The following RBM6 variants were observed in gnomAD, a reference collection of about 807,000 sequenced individuals.
The protein encoded by RBM6 is RNA-binding protein 6.
In RBM6, 23 loss-of-function variants were observed where a neutral mutation model predicts 140.4. The ratio of observed to expected loss-of-function variants is 0.16; its 90% confidence interval spans 0.12 to 0.23. The LOEUF is 0.23. RBM6 is among the 10% of genes least tolerant of loss of function. The pLI, the probability that RBM6 is intolerant of heterozygous loss-of-function variation, is 1.00. For missense variants in RBM6, 1,139 were observed against 1,386.7 expected, an observed-to-expected ratio of 0.82 and a Z score of 2.84; for synonymous variants, 439 against 475.6, an observed-to-expected ratio of 0.92 and a Z score of 1.00.
chr3:50,057,605 A>T, intron 8 of RBM6, 123 bp from the exon 9 acceptor site: 1 of 541,764 alleles, frequency 1.8e-6, no homozygotes, highest in Non-Finnish European at 2.8e-6. Flanking sequence ...AAAAAAAAAA[A>T]AAAAGGCATT....
At chr3:50,045,000 A>G (rs758468108) in intron 6 of RBM6, among the ~76,000 whole-genome samples, 10 of 152,198 alleles carry the variant, frequency 6.6e-5, no homozygotes, top group Non-Finnish European at 1.3e-4. Context: ...TCCTATGTCT[A>G]ACTATGTGCA....
At chr3:50,061,728 CA>C in intron 14 of RBM6, 181 bp downstream of exon 14, 1 of 1,401,954 alleles carries the variant, frequency 7.1e-7, no homozygotes. Context: ...TATGGAAAAT[CA>C]GTGCCTTGTG....
At chr3:50,008,743 G>A (rs2086702041) in intron 6 of RBM6, among the ~76,000 whole-genome samples, 1 of 151,880 alleles carries the variant, frequency 6.6e-6, no homozygotes, top group African/African-American at 2.4e-5. Flanking sequence ...TAGAGATGGG[G>A]TTTCACCATG....
At chr3:50,011,131 A>G (rs1284535595) in intron 6 of RBM6, among the ~76,000 whole-genome samples, 1 of 151,828 alleles carries the variant, frequency 6.6e-6, no homozygotes, top group Non-Finnish European at 1.5e-5. Context: ...GGAGGCTGAG[A>G]TAGGAGGATC....
intron 5 of RBM6, among the ~76,000 whole-genome samples, chr3:49,981,069 A>AT (rs1199019095): frequency 6.6e-6 from 1 of 151,580 alleles, no homozygotes; most frequent in Non-Finnish European, 1.5e-5. Flanking sequence ...TGCCCAGCTA[A>AT]TTTTTTGTAT....
At chr3:50,072,302 C>T (rs1263473913) in intron 19 of RBM6, among the ~76,000 whole-genome samples, 8 of 150,646 alleles carry the variant, frequency 5.3e-5, no homozygotes, top group African/African-American at 2.0e-4. Context: ...CCCAGCTACT[C>T]GGGAGACTGG....
chr3:50,004,400 G>A (rs2086483166), intron 6 of RBM6, among the ~76,000 whole-genome samples: 2 of 142,128 alleles, frequency 1.4e-5, no homozygotes, highest in Admixed American at 1.4e-4. Flanking sequence ...CTGCGGCCTC[G>A]ATCTCTTGTG....
At chr3:50,018,270 G>A (rs1053038719) in intron 6 of RBM6, among the ~76,000 whole-genome samples, 1 of 152,130 alleles carries the variant, frequency 6.6e-6, no homozygotes, top group Non-Finnish European at 1.5e-5. Flanking sequence ...GTTGGAATTG[G>A]ACAATATGTA....
chr3:50,065,276 C>T (rs2090084620), intron 16 of RBM6, 150 bp downstream of exon 16: 2 of 642,974 alleles, frequency 3.1e-6, no homozygotes, highest in East Asian at 2.7e-5. Flanking sequence ...CTTTTGAGTA[C>T]AAGCATGAGA....
In RBM6 at chr3:49,962,617, G is replaced by T. The variant is rs767783910; in HGVS notation, c.-25G>T. On this transcript the variant is annotated 5_prime_UTR_variant, in exon 2 of 21. Coordinates refer to ENST00000266022, the MANE Select transcript of RBM6 (RefSeq NM_005777.3). ...AATTTGGTAGAAAAAGGATTTACTT[G>T]TTGGGGCCCTCTTGATAAAAAGAGA... 1.3e-6 allele frequency: 2 copies of T among 1,587,544 alleles called. No individual in the cohort carries two copies. The highest frequency in any genetic ancestry group is 2.3e-5 in the East Asian group (1 of 43,644).
chr3:49,970,651 T>G (rs1439104800), intron 3 of RBM6, among the ~76,000 whole-genome samples: 1 of 152,210 alleles, frequency 6.6e-6, no homozygotes, highest in East Asian at 1.9e-4. Context: ...AATATATGAT[T>G]TAAGCAAGGA....
chr3:50,026,472 T>A (rs1575733748), intron 6 of RBM6, among the ~76,000 whole-genome samples: 1 of 150,246 alleles, frequency 6.7e-6, no homozygotes, highest in African/African-American at 2.4e-5. Context: ...CTCTGCTTCA[T>A]GGGTTCAAGC....
intron 6 of RBM6, among the ~76,000 whole-genome samples, chr3:50,002,974 G>C (rs1435640603): frequency 6.6e-6 from 1 of 151,944 alleles, no homozygotes; most frequent in African/African-American, 2.4e-5. Context: ...AAATTAGCCA[G>C]GTGTGGTGGC....
chr3:49,947,124 C>T (rs1056369976), intron 1 of RBM6, among the ~76,000 whole-genome samples: 4 of 148,372 alleles, frequency 2.7e-5, no homozygotes, highest in East Asian at 3.9e-4. Flanking sequence ...CAGTGGCAGG[C>T]GCCTGTAGTC....
intron 6 of RBM6, among the ~76,000 whole-genome samples, chr3:50,017,983 C>T (rs1028163395): frequency 3.3e-5 from 5 of 152,204 alleles, no homozygotes; most frequent in Non-Finnish European, 7.3e-5. Context: ...CATACACAGC[C>T]TCCCCAACTA....
chr3:49,947,261 AAGG>A (rs1335951790), intron 1 of RBM6, among the ~76,000 whole-genome samples: 35 of 21,470 alleles, frequency 1.6e-3, no homozygotes, highest in African/African-American at 4.0e-3. Context: ...CAAAAAAAAA[AAGG>A]GGGGGGGGGG....
At chr3:50,054,100 A>G in intron 7 of RBM6, 1 of 465,344 alleles carries the variant, frequency 2.1e-6, no homozygotes, top group South Asian at 3.6e-5. Context: ...GGGCAAAGGC[A>G]TTTGGGCTGC....
intron 17 of RBM6, among the ~76,000 whole-genome samples, chr3:50,068,214 C>A (rs989800085): frequency 1.2e-4 from 18 of 152,152 alleles, no homozygotes; most frequent in Non-Finnish European, 2.5e-4. Flanking sequence ...CTTTGGACTC[C>A]TTAAGTTTCA....
chr3:50,077,181 G>A lies in RBM6; in HGVS notation c.*48G>A, dbSNP rs1157336485. The stretch of plus-strand genomic sequence containing the variant: ...ATACAACCTCCCTCTTGTTTTGTTT[G>A]TCTCTCCTTTTCTTTTGTTACTGTT... On this transcript the variant is annotated 3_prime_UTR_variant, in exon 21 of 21. Coordinates refer to ENST00000266022, the MANE Select transcript of RBM6 (RefSeq NM_005777.3). 4 of 1,553,966 alleles carry A rather than the reference G, an allele frequency of 2.6e-6. No homozygotes were observed. In the African/African-American group the frequency reaches 5.6e-5, roughly 22 times the overall value.
Sources: gnomAD v4.1 joint callset for allele counts (sites outside exome capture counted in the v4.1 genomes callset) on GRCh38, gnomAD v4.1.1 for gene constraint, MANE v1.5 for transcripts, NCBI Gene and HGNC (gene_info 2026-07-23, HGNC 2026-07-21) for gene names.